Variants in DOCK3 observed in about 807,000 individuals in gnomAD.
DOCK3 encodes dedicator of cytokinesis protein 3.
A neutral mutation model predicts 265.6 loss-of-function variants in DOCK3; 60 were observed. The observed-to-expected ratio is 0.23, with a 90% CI of 0.18 to 0.28. The LOEUF is 0.28. Ranked by LOEUF, DOCK3 falls within the 10% of genes least tolerant of loss-of-function variation. The pLI, the probability that DOCK3 is intolerant of heterozygous loss-of-function variation, is 1.00. For synonymous variants in DOCK3, 881 were observed against 938.0 expected (o/e 0.94, Z 1.11); for missense variants, 1,981 against 2,594.3 (o/e 0.76, Z 5.14).
chr3:51,187,137 G>C (rs1453388818), intron 12 of DOCK3, among the ~76,000 whole-genome samples: 1 of 152,184 alleles, frequency 6.6e-6, no homozygotes, highest in Admixed American at 6.5e-5. Context: ...CAGGAGAGGG[G>C]CTATACCCTG....
intron 10 of DOCK3, among the ~76,000 whole-genome samples, chr3:51,150,957 A>C (rs2085557308): frequency 6.6e-6 from 1 of 152,002 alleles, no homozygotes; most frequent in Admixed American, 6.5e-5. Flanking sequence ...TCCCATTATT[A>C]TTGTGTGGGA....
At chr3:50,863,346 G>A (rs1163605639) in intron 3 of DOCK3, 4 of 505,230 alleles carry the variant, frequency 7.9e-6, no homozygotes, top group Non-Finnish European at 1.6e-5. Flanking sequence ...TAGCCTGTGT[G>A]AGCTGGCTAC....
chr3:51,310,371 A>G (rs779042448), intron 28 of DOCK3, 45 bp downstream of exon 28: 2 of 1,470,474 alleles, frequency 1.4e-6, no homozygotes, highest in Admixed American at 3.9e-5. Flanking sequence ...AGCTGTTCTC[A>G]GACTAAGAAG....
chr3:50,953,519 G>A (rs1323259869), intron 5 of DOCK3, among the ~76,000 whole-genome samples: 1 of 152,036 alleles, frequency 6.6e-6, no homozygotes, highest in Non-Finnish European at 1.5e-5. Flanking sequence ...TTAGATGGCT[G>A]GAAACCTCAG....
chr3:50,984,499 G>C (rs915989237), intron 5 of DOCK3, among the ~76,000 whole-genome samples: 3 of 152,160 alleles, frequency 2.0e-5, no homozygotes, highest in Non-Finnish European at 1.5e-5. Flanking sequence ...GCTTCATATA[G>C]TACTTTTGGC....
rs1164244704 is a variant in DOCK3, at chr3:51,152,773, G to C, written c.828+6143G>C. Among the ~76,000 whole-genome samples, 15 of 152,182 alleles carry C rather than the reference G, an allele frequency of 9.9e-5. 1 individual carries two copies. On this transcript the variant is annotated intron_variant, in intron 10 of 52. Coordinates refer to ENST00000266037, the MANE Select transcript of DOCK3 (RefSeq NM_004947.5). The stretch of plus-strand genomic sequence containing the variant: ...AAGTCCCTCTGCTGCAGGTCTGTTG[G>C]AGTTTGCTGGAGGTCCATTCCAGAC...
At chr3:51,091,058 C>G (rs1208524970) in intron 9 of DOCK3, among the ~76,000 whole-genome samples, 3 of 152,172 alleles carry the variant, frequency 2.0e-5, no homozygotes, top group Non-Finnish European at 2.9e-5. Flanking sequence ...TATTAATACA[C>G]TATGCTTTAC....
At chr3:50,807,907 G>A (rs2043524814) in intron 2 of DOCK3, among the ~76,000 whole-genome samples, 1 of 152,142 alleles carries the variant, frequency 6.6e-6, no homozygotes, top group Non-Finnish European at 1.5e-5. Context: ...GCACCACCAT[G>A]TCTAGGTAAT....
intron 9 of DOCK3, among the ~76,000 whole-genome samples, chr3:51,141,348 A>T (rs1490069631): frequency 6.8e-6 from 1 of 147,948 alleles, no homozygotes; most frequent in African/African-American, 2.5e-5. Flanking sequence ...TTGAAGCCCT[A>T]TTACATAGCA....
At chr3:51,343,587 G>A (rs528581117) in intron 38 of DOCK3, among the ~76,000 whole-genome samples, 1 of 152,358 alleles carries the variant, frequency 6.6e-6, no homozygotes, top group South Asian at 2.1e-4. Flanking sequence ...TTTTGGAGTA[G>A]CTTTGCTTTC....
chr3:51,288,885 GGTGT>G (rs776856235), intron 27 of DOCK3, among the ~76,000 whole-genome samples: 96 of 147,072 alleles, frequency 6.5e-4, no homozygotes, highest in African/African-American at 1.0e-3. Flanking sequence ...TGTTTGTGTG[GGTGT>G]GTGTGTGTGT....
rs914966580 is a variant in DOCK3 at position 50,802,431 on chromosome 3, A to C, written c.121+23673A>C. Among the ~76,000 whole-genome samples the C allele has an allele frequency of 3.3e-5, 5 of 152,140 alleles. No individual in the cohort carries two copies. The East Asian group carries it at 7.7e-4, about 23-fold the overall frequency. Reference sequence around the variant, plus strand: ...TACTTCCAGATATAAGACTCTCTTGAGTATTTCTTGCAAGATCAGTTTAGT... The same window carrying C: ...TACTTCCAGATATAAGACTCTCTTGCGTATTTCTTGCAAGATCAGTTTAGT... On this transcript the variant is annotated intron_variant, in intron 2 of 52. Coordinates refer to ENST00000266037, the MANE Select transcript of DOCK3 (RefSeq NM_004947.5).
chr3:50,848,759 T>G (rs1355295993), intron 3 of DOCK3, among the ~76,000 whole-genome samples: 2 of 152,214 alleles, frequency 1.3e-5, no homozygotes, highest in African/African-American at 4.8e-5. Flanking sequence ...TCTTATGGAC[T>G]ATATGCCTTG....
chr3:51,157,444 C>T (rs991384621), intron 10 of DOCK3, among the ~76,000 whole-genome samples: 3 of 152,108 alleles, frequency 2.0e-5, no homozygotes, highest in Admixed American at 6.5e-5. Context: ...TGGGGTTTCA[C>T]CATGTTGGCC....
At chr3:51,333,699 G>C (rs2084679872) in intron 35 of DOCK3, among the ~76,000 whole-genome samples, 1 of 152,106 alleles carries the variant, frequency 6.6e-6, no homozygotes, top group African/African-American at 2.4e-5. Context: ...GCTTTTCCAG[G>C]GACTAGGGAC....
chr3:51,381,014 A>G lies in DOCK3; in HGVS notation c.5584-36A>G, dbSNP rs189734617. 76 of 1,547,456 alleles carry G rather than the reference A, an allele frequency of 4.9e-5. No individual in the cohort carries two copies. In the East Asian group the frequency reaches 1.7e-3, roughly 34 times the overall value. On this transcript the variant is annotated intron_variant, in intron 52 of 52. Coordinates refer to ENST00000266037, the MANE Select transcript of DOCK3 (RefSeq NM_004947.5). This position sits in a 1 kb window ranked among gnomAD's most constrained non-coding sequence, Gnocchi z 5.6. The stretch of plus-strand genomic sequence containing the variant: ...GGCGGGCAAGTCAGCCTGTCTGGAG[A>G]GAGGGATTCTAACATGCCCACCCTT...
chr3:50,720,907 G>A (rs181800069), intron 1 of DOCK3, among the ~76,000 whole-genome samples: 11 of 152,268 alleles, frequency 7.2e-5, no homozygotes, highest in African/African-American at 2.6e-4. Context: ...ACTGGTGTTA[G>A]ATGGTGTCTC....
intron 1 of DOCK3, among the ~76,000 whole-genome samples, chr3:50,703,913 T>C (rs2036219621): frequency 6.6e-6 from 1 of 152,090 alleles, no homozygotes; most frequent in Non-Finnish European, 1.5e-5. Context: ...TAGGTGTTTA[T>C]TTCTATAAAC....
At chr3:51,337,286 TC>T in intron 35 of DOCK3, among the ~76,000 whole-genome samples, 1 of 152,332 alleles carries the variant, frequency 6.6e-6, no homozygotes, top group South Asian at 2.1e-4. Flanking sequence ...ATCCCAAGGT[TC>T]TTCCTCTGCA....
Sources: gnomAD v4.1 joint callset for allele counts (sites outside exome capture counted in the v4.1 genomes callset) on GRCh38, gnomAD v4.1.1 for gene constraint, Gnocchi (gnomAD v3.1) non-coding constraint, MANE v1.5 for transcripts, NCBI Gene and HGNC (gene_info 2026-07-23, HGNC 2026-07-21) for gene names.